RAB10: variants seen among roughly 807,000 people sequenced by gnomAD.
The protein encoded by RAB10 is ras-related protein Rab-10.
RAB10 carries 5 observed loss-of-function variants against 25.7 expected under a neutral mutation model. That is an observed-to-expected ratio of 0.19 (90% CI 0.10 to 0.41). RAB10 has a LOEUF of 0.41. Among genes scored for constraint, RAB10 ranks in the 10% least tolerant of loss-of-function variants. The probability of loss-of-function intolerance (pLI) is 1.00; values close to 1 mark genes in which losing one functional copy is unlikely to be tolerated. For missense variants in RAB10, 103 were observed against 245.8 expected, an observed-to-expected ratio of 0.42 and a Z score of 3.89; for synonymous variants, 89 against 86.4, an observed-to-expected ratio of 1.03 and a Z score of -0.16.
At chr2:26,118,779 G>T (rs907173539) in intron 3 of RAB10, among the ~76,000 whole-genome samples, 2 of 152,084 alleles carry the variant, frequency 1.3e-5, no homozygotes, top group South Asian at 4.1e-4. Context: ...GCACCTCTCT[G>T]TATTAGTACC....
chr2:26,069,582 C>T (rs1279371413), intron 1 of RAB10, among the ~76,000 whole-genome samples: 1 of 151,934 alleles, frequency 6.6e-6, no homozygotes, highest in African/African-American at 2.4e-5. Context: ...AGGAGAATCA[C>T]TTGAACCCAG....
At chr2:26,069,028 ATC>A (rs1201586432) in intron 1 of RAB10, among the ~76,000 whole-genome samples, 4 of 152,022 alleles carry the variant, frequency 2.6e-5, no homozygotes, top group African/African-American at 7.2e-5. Context: ...CTTTTCTGTA[ATC>A]TCTCACATAT....
At chr2:26,045,238 CTTTT>C (rs202201784) in intron 1 of RAB10, among the ~76,000 whole-genome samples, 51 of 146,462 alleles carry the variant, frequency 3.5e-4, no homozygotes, top group Admixed American at 1.2e-3. Context: ...TCTCTTTCAA[CTTTT>C]TTTTTTTTTT....
At chr2:26,040,731 C>T (rs1665866310) in intron 1 of RAB10, among the ~76,000 whole-genome samples, 1 of 152,128 alleles carries the variant, frequency 6.6e-6, no homozygotes, top group African/African-American at 2.4e-5. Context: ...AAGGACCTGA[C>T]TGCCAAAATA....
At chr2:26,098,341 G>A (rs979295586) in intron 1 of RAB10, among the ~76,000 whole-genome samples, 3 of 151,918 alleles carry the variant, frequency 2.0e-5, no homozygotes, top group African/African-American at 4.8e-5. Flanking sequence ...GTTTCACCAT[G>A]TGCCCAGGCT....
At chr2:26,120,018 T>C (rs1411234785) in intron 3 of RAB10, among the ~76,000 whole-genome samples, 2 of 152,256 alleles carry the variant, frequency 1.3e-5, no homozygotes, top group Non-Finnish European at 2.9e-5. Context: ...TTAACACTTA[T>C]AAATTTATAT....
chr2:26,117,570 G>A lies in RAB10; in HGVS notation c.327+7664G>A, dbSNP rs532758118. On this transcript the variant is annotated intron_variant, in intron 3 of 5. Transcript: ENST00000264710. ...GCGGAGCTTGCAGTGAGCCAAGGTCGTGCCACTGCACTCCGCTCCAGACTG... is the reference window on the plus strand; with the variant it reads ...GCGGAGCTTGCAGTGAGCCAAGGTCATGCCACTGCACTCCGCTCCAGACTG... Among the ~76,000 whole-genome samples the A allele has an allele frequency of 4.1e-4, 61 of 149,060 alleles. 1 individual carries two copies. The South Asian group carries it at 0.012, about 30-fold the overall frequency.
intron 1 of RAB10, among the ~76,000 whole-genome samples, chr2:26,094,315 G>T (rs1406392612): frequency 6.6e-6 from 1 of 151,938 alleles, no homozygotes; most frequent in Non-Finnish European, 1.5e-5. Context: ...GCAGTGGCAC[G>T]GTCTTGACTC....
intron 1 of RAB10, among the ~76,000 whole-genome samples, chr2:26,052,373 G>GAGACGA (rs771060858): frequency 6.6e-6 from 1 of 151,988 alleles, no homozygotes; most frequent in Non-Finnish European, 1.5e-5. Flanking sequence ...GCAACAGAGT[G>GAGACGA]AGACGCATTC....
intron 1 of RAB10, among the ~76,000 whole-genome samples, chr2:26,078,248 G>A (rs1019126175): frequency 1.1e-4 from 17 of 152,184 alleles, no homozygotes; most frequent in African/African-American, 4.1e-4. Flanking sequence ...AGATGGCCAT[G>A]CTACCCAAAT....
Position 26,034,485 on chromosome 2 carries a change from C to T in RAB10, c.-124C>T. ...TGTTCGTAGGTCGCCCGCGCCGTCT[C>T]GAGCCTTTTTCCCACGCTTCCCCGG... On this transcript the variant is annotated 5_prime_UTR_variant, in exon 1 of 6. Transcript: ENST00000264710. 1.5e-6 allele frequency: 2 copies of T among 1,359,518 alleles called. No individual in the cohort carries two copies. Among genetic ancestry groups the T allele is most frequent in the South Asian group, 2.7e-5 (2 of 74,128 alleles). The allele number at this position is 1,359,518 out of a possible 1,614,324, so 84.2% of individuals were successfully genotyped here.
intron 1 of RAB10, among the ~76,000 whole-genome samples, chr2:26,080,455 T>C (rs1363956714): frequency 6.6e-6 from 1 of 152,180 alleles, no homozygotes; most frequent in Non-Finnish European, 1.5e-5. Context: ...TAATTTTTTT[T>C]TGTCGTGATA....
Position 26,091,351 on chromosome 2 carries a change from A to G in RAB10, c.128-7311A>G, listed in dbSNP as rs562356742. On this transcript the variant is annotated intron_variant, in intron 1 of 5. Coordinates refer to ENST00000264710, the MANE Select transcript of RAB10 (RefSeq NM_016131.5). ...ATAGAGAAATATTGCAACTTAGGGTAGCTAGGGGAAAGAGCCATGATGGAT... is the reference window on the plus strand; with the variant it reads ...ATAGAGAAATATTGCAACTTAGGGTGGCTAGGGGAAAGAGCCATGATGGAT... Among the ~76,000 whole-genome samples, 3 of 152,302 alleles carry G rather than the reference A, an allele frequency of 2.0e-5. No individual in the cohort carries two copies. The East Asian group carries it at 5.8e-4, about 29-fold the overall frequency.
chr2:26,093,004 G>C (rs144589989), intron 1 of RAB10, among the ~76,000 whole-genome samples: 4,226 of 152,180 alleles, frequency 0.028, 91 homozygotes, highest in Non-Finnish European at 0.043. Context: ...ATTAAGAGGG[G>C]AGCAATAAGG....
intron 1 of RAB10, among the ~76,000 whole-genome samples, chr2:26,096,735 A>G (rs1667226482): frequency 6.6e-6 from 1 of 152,190 alleles, no homozygotes; most frequent in Non-Finnish European, 1.5e-5. Flanking sequence ...TACTAATATA[A>G]TACTATGAAT....
chr2:26,077,637 C>T (rs1486388529), intron 1 of RAB10, among the ~76,000 whole-genome samples: 6 of 151,864 alleles, frequency 4.0e-5, no homozygotes, highest in Admixed American at 1.3e-4. Context: ...ATTTTAATGC[C>T]GTATAATGTG....
intron 1 of RAB10, among the ~76,000 whole-genome samples, chr2:26,035,765 A>G (rs1665751654): frequency 2.0e-5 from 3 of 152,218 alleles, no homozygotes; most frequent in South Asian, 4.1e-4. Flanking sequence ...TTAAAAAGCA[A>G]CGGCAGTCGT....
intron 3 of RAB10, 141 bp downstream of exon 3, chr2:26,110,047 T>G (rs1387096058): frequency 9.5e-7 from 1 of 1,053,696 alleles, no homozygotes; most frequent in Non-Finnish European, 1.3e-6. Context: ...TTTCTAAAAG[T>G]TAATGTTGGC....
chr2:26,051,477 G>A (rs1285132276), intron 1 of RAB10, among the ~76,000 whole-genome samples: 7 of 149,560 alleles, frequency 4.7e-5, no homozygotes, highest in Non-Finnish European at 8.9e-5. Flanking sequence ...GCCAGGCGCA[G>A]TGGCTCACGC....
Sources: allele counts gnomAD v4.1 joint callset (sites outside exome capture counted in the v4.1 genomes callset), GRCh38; gene constraint gnomAD v4.1.1; transcripts MANE v1.5; gene names NCBI Gene and HGNC (gene_info 2026-07-23, HGNC 2026-07-21).